FANCI: variants seen among roughly 807,000 people sequenced by gnomAD.
The protein encoded by FANCI is FA complementation group I, also known as Fanconi anemia group I protein.
Under a neutral mutation model 176.1 loss-of-function variants are expected in FANCI, and 156 were observed. That is an observed-to-expected ratio of 0.89 (90% confidence interval 0.78 to 1.01). FANCI has a LOEUF of 1.01. Among genes scored for constraint, FANCI ranks in the 50% least tolerant of loss-of-function variants. The pLI, the probability that FANCI is intolerant of heterozygous loss-of-function variation, is 0.00. For synonymous variants in FANCI, 613 were observed against 541.7 expected, an observed-to-expected ratio of 1.13 and a Z score of -1.83; for missense variants, 1,678 against 1,534.1, an observed-to-expected ratio of 1.09 and a Z score of -1.57.
intron 12 of FANCI, 145 bp from the exon 13 acceptor site, chr15:89,276,566 A>G: frequency 1.2e-6 from 1 of 830,052 alleles, no homozygotes. Flanking sequence ...ATTCTGTCAG[A>G]CGATGTGTGT....
At chr15:89,249,586 A>G (rs1478290729) in intron 2 of FANCI, among the ~76,000 whole-genome samples, 3 of 152,088 alleles carry the variant, frequency 2.0e-5, no homozygotes, top group African/African-American at 7.2e-5. Flanking sequence ...GAGCTCAAGC[A>G]ATCCACCCAC....
chr15:89,305,451 C>G (rs773305784), intron 30 of FANCI, 42 bp downstream of exon 30: 5 of 1,612,212 alleles, frequency 3.1e-6, no homozygotes, highest in Non-Finnish European at 3.4e-6. Flanking sequence ...CTTTGTCATT[C>G]TTTCCATTCT....
chr15:89,260,417 T>C (rs1169018710), intron 3 of FANCI, among the ~76,000 whole-genome samples: 2 of 152,192 alleles, frequency 1.3e-5, no homozygotes, highest in East Asian at 3.8e-4. Flanking sequence ...AATAGATTAG[T>C]TATTAAATTT....
intron 2 of FANCI, among the ~76,000 whole-genome samples, chr15:89,257,197 C>T (rs148872366): frequency 0.01 from 1,549 of 152,298 alleles, 34 homozygotes; most frequent in African/African-American, 0.036. Context: ...TGAGCCACCA[C>T]GCTTGGCCAG....
chr15:89,305,545 T>G (rs2054685198), intron 30 of FANCI, 60 bp from the exon 31 acceptor site: 18 of 1,603,400 alleles, frequency 1.1e-5, no homozygotes, highest in Non-Finnish European at 1.5e-5. Context: ...GTGACCACAG[T>G]TATTATATTA....
At chr15:89,283,700 A>G (rs2053706265) in intron 17 of FANCI, among the ~76,000 whole-genome samples, 1 of 152,066 alleles carries the variant, frequency 6.6e-6, no homozygotes. Flanking sequence ...TAATGTGGCT[A>G]CTAGAAAATA....
At chr15:89,295,238 G>A in intron 24 of FANCI, 144 bp downstream of exon 24, 1 of 972,350 alleles carries the variant, frequency 1.0e-6, no homozygotes, top group Admixed American at 2.9e-5. Context: ...CAGGTGGCAG[G>A]CACTTGTAAT....
intron 34 of FANCI, 146 bp downstream of exon 34, chr15:89,307,818 A>T: frequency 6.5e-7 from 1 of 1,542,438 alleles, no homozygotes; most frequent in Non-Finnish European, 8.7e-7. Context: ...AGACCAAGCC[A>T]AGGCTTGAGG....
intron 2 of FANCI, among the ~76,000 whole-genome samples, chr15:89,249,049 C>G (rs1290462233): frequency 6.6e-6 from 1 of 152,174 alleles, no homozygotes; most frequent in African/African-American, 2.4e-5. Flanking sequence ...TATCTGTTAA[C>G]TGTCACCTTT....
chr15:89,264,168 G>A lies in FANCI; in HGVS notation c.669+142G>A, dbSNP rs2151300098. On this transcript the variant is annotated intron_variant, in intron 8 of 37. Coordinates refer to ENST00000310775, the MANE Select transcript of FANCI (RefSeq NM_001113378.2). ...TCATTTCACGTGAGCAAACATAGCC[G>A]AACATAGATGCTTTCATTTCACATA... The A allele has an allele frequency of 5.3e-6, 5 of 935,486 alleles. No homozygotes were observed. In the East Asian group the frequency reaches 1.2e-4, roughly 23 times the overall value. The allele number at this position is 935,486 out of a possible 1,614,324, so 57.9% of individuals were successfully genotyped here.
rs184813356 is a variant in FANCI, at chr15:89,302,857, G to A, written c.3007-1007G>A. Among the ~76,000 whole-genome samples, 30 of 152,276 alleles carry A rather than the reference G, an allele frequency of 2.0e-4. No individual in the cohort carries two copies. In the East Asian group the frequency reaches 3.9e-3, roughly 20 times the overall value. On this transcript the variant is annotated intron_variant, in intron 27 of 37. Coordinates refer to ENST00000310775, the MANE Select transcript of FANCI (RefSeq NM_001113378.2). The stretch of plus-strand genomic sequence containing the variant: ...CAAAGTGCTGGGATTACAGGTGTGA[G>A]CCACCGCGCCTGGCCAAAAATTTTT...
chr15:89,253,747 C>T (rs1183366546), intron 2 of FANCI, among the ~76,000 whole-genome samples: 1 of 132,702 alleles, frequency 7.5e-6, no homozygotes, highest in South Asian at 2.4e-4. Context: ...TAACGTATCA[C>T]AGAAAAAGGA....
At chr15:89,308,908 T>G (rs1346058773) in intron 34 of FANCI, among the ~76,000 whole-genome samples, 1 of 151,258 alleles carries the variant, frequency 6.6e-6, no homozygotes, top group Admixed American at 6.6e-5. Context: ...ATCGCACTGT[T>G]GTGCTCCAGC....
At chr15:89,275,247 A>G (rs2151469070) in intron 12 of FANCI, among the ~76,000 whole-genome samples, 1 of 152,140 alleles carries the variant, frequency 6.6e-6, no homozygotes, top group Non-Finnish European at 1.5e-5. Context: ...CTCTTTTTAA[A>G]GTGAGTAAAA....
At chr15:89,301,528 T>C in intron 27 of FANCI, 86 bp downstream of exon 27, 1 of 941,934 alleles carries the variant, frequency 1.1e-6, no homozygotes, top group Non-Finnish European at 1.8e-6. Flanking sequence ...CTAAATGTCC[T>C]CTTGAAATTG....
intron 35 of FANCI, among the ~76,000 whole-genome samples, chr15:89,314,134 CGTAGGACCACACACAAAAAT>C (rs367664510): frequency 6.9e-6 from 1 of 144,594 alleles, no homozygotes; most frequent in African/African-American, 2.7e-5. Context: ...CACACAAAAA[CGTAGGACCACACACAAAAAT>C]GTAGGACCTT....
intron 5 of FANCI, 32 bp downstream of exon 5, chr15:89,261,773 T>A (rs947682211): frequency 4.3e-6 from 7 of 1,614,194 alleles, no homozygotes; most frequent in Middle Eastern, 1.6e-4. Flanking sequence ...TGGCTTTTTC[T>A]CTATGCACAT....
At chr15:89,313,478 C>T (rs953659971) in intron 35 of FANCI, among the ~76,000 whole-genome samples, 24 of 152,210 alleles carry the variant, frequency 1.6e-4, no homozygotes, top group African/African-American at 5.3e-4. Context: ...AAATAACTTA[C>T]GATACTCAAT....
Position 89,291,424 on chromosome 15 carries a change from CA to C in FANCI, c.1891-187del, listed in dbSNP as rs1467785836. Among the ~76,000 whole-genome samples, 39 of 152,226 alleles carry C rather than the reference CA, an allele frequency of 2.6e-4. 1 individual carries two copies. In the East Asian group the frequency reaches 7.5e-3, roughly 29 times the overall value. ...ATAGGAAAGATGATCCTAATCTGTA[CA>C]ATATCCAAAGCAAGAGCACAGGATG... On this transcript the variant is annotated intron_variant, in intron 19 of 37. Transcript: ENST00000310775.
Sources: gnomAD v4.1 joint callset for allele counts (sites outside exome capture counted in the v4.1 genomes callset) on GRCh38, gnomAD v4.1.1 for gene constraint, MANE v1.5 for transcripts, NCBI Gene and HGNC (gene_info 2026-07-23, HGNC 2026-07-21) for gene names.